The following BCL2L13 variants were observed in gnomAD, a reference collection of about 807,000 sequenced individuals.
The protein encoded by BCL2L13 is bcl-2-like protein 13.
A neutral mutation model predicts 25.8 loss-of-function variants in BCL2L13; 13 were observed. The observed-to-expected ratio is 0.50, with a 90% confidence interval of 0.33 to 0.80. The LOEUF is 0.80. Ranked by LOEUF, BCL2L13 falls within the 30% of genes least tolerant of loss-of-function variation. The pLI, the probability that BCL2L13 is intolerant of heterozygous loss-of-function variation, is 0.02. For synonymous variants in BCL2L13, 244 were observed against 230.3 expected (o/e 1.06, Z -0.54); for missense variants, 504 against 574.9 (o/e 0.88, Z 1.26).
chr22:17,657,823 C>CTTTTTT (rs71201859), intron 2 of BCL2L13, among the ~76,000 whole-genome samples: 28,809 of 84,734 alleles, frequency 0.34, 6,178 homozygotes, highest in East Asian at 0.62. Context: ...GTTGACATTT[C>CTTTTTT]TTTTTTTTTT....
At chr22:17,685,252 G>A (rs367560677) in intron 3 of BCL2L13, among the ~76,000 whole-genome samples, 50 of 151,820 alleles carry the variant, frequency 3.3e-4, no homozygotes, top group Middle Eastern at 3.4e-3. Flanking sequence ...TTAAGACATC[G>A]CCTTGCTCTG....
chr22:17,640,097 C>T (rs1225386816), intron 1 of BCL2L13, among the ~76,000 whole-genome samples: 7 of 152,108 alleles, frequency 4.6e-5, no homozygotes, highest in Admixed American at 3.3e-4. Flanking sequence ...CTGGTCATCC[C>T]CCCGCCTCAG....
In BCL2L13 at chr22:17,655,741, A is replaced by C; in HGVS notation, c.30A>C (p.Gly10=). The part of the protein sequence containing the change: MASSSTVPL[G]FHYETKYVVL... The stretch of plus-strand genomic sequence containing the variant: ...CGTCCTCTTCTACTGTGCCTCTGGG[A>C]TTTCACTATGAAACAAAGTATGTTG... The change falls in exon 2 of 7, where the codon GGA becomes GGC. Residue 10 remains glycine (G), a synonymous_variant. Coordinates refer to ENST00000317582, the MANE Select transcript of BCL2L13 (RefSeq NM_015367.4). The C allele has an allele frequency of 1.2e-6, 2 of 1,613,478 alleles. No homozygotes were observed. Among genetic ancestry groups the C allele is most frequent in the Non-Finnish European group, 1.7e-6 (2 of 1,179,722 alleles).
intron 1 of BCL2L13, among the ~76,000 whole-genome samples, chr22:17,646,096 G>A (rs1319269531): frequency 6.6e-6 from 1 of 151,412 alleles, no homozygotes; most frequent in African/African-American, 2.5e-5. Context: ...GTATCCACAG[G>A]TATCCTGGAA....
chr22:17,636,331 G>GAA (rs75562807), upstream of BCL2L13, among the ~76,000 whole-genome samples: 12 of 103,104 alleles, frequency 1.2e-4, no homozygotes, highest in African/African-American at 3.0e-4. Flanking sequence ...TCAAAAAAAA[G>GAA]AAAAAAAAAA....
chr22:17,640,105 C>T (rs1306130909), intron 1 of BCL2L13, among the ~76,000 whole-genome samples: 1 of 152,200 alleles, frequency 6.6e-6, no homozygotes, highest in African/African-American at 2.4e-5. Flanking sequence ...CCCCCCGCCT[C>T]AGCCTCCCAA....
chr22:17,654,912 T>A (rs1364707546), intron 1 of BCL2L13, among the ~76,000 whole-genome samples: 2 of 152,024 alleles, frequency 1.3e-5, no homozygotes, highest in Non-Finnish European at 2.9e-5. Flanking sequence ...TTTGTAGAGA[T>A]GGAGTCTTGC....
rs527725196 is a variant in BCL2L13 at position 17,691,819 on chromosome 22, C to T, written c.386+2677C>T. Among the ~76,000 whole-genome samples the T allele has an allele frequency of 5.9e-5, 9 of 152,164 alleles. No individual in the cohort carries two copies. The South Asian group carries it at 1.9e-3, about 32-fold the overall frequency. On this transcript the variant is annotated intron_variant, in intron 4 of 6. Coordinates refer to ENST00000317582, the MANE Select transcript of BCL2L13 (RefSeq NM_015367.4). ...TTTTTAAAAGTATTGTTTCTGAAGTCCTTTTTATGATCTACAGGAAAAATT... is the reference window on the plus strand; with the variant it reads ...TTTTTAAAAGTATTGTTTCTGAAGTTCTTTTTATGATCTACAGGAAAAATT...
intron 5 of BCL2L13, 55 bp downstream of exon 5, chr22:17,696,265 C>A: frequency 7.2e-7 from 1 of 1,388,796 alleles, no homozygotes; most frequent in Non-Finnish European, 1.0e-6. Context: ...AATGATAAGA[C>A]GTAGGAGGAA....
At chr22:17,666,781 C>T (rs990948954) in intron 2 of BCL2L13, among the ~76,000 whole-genome samples, 6 of 151,504 alleles carry the variant, frequency 4.0e-5, no homozygotes, top group Admixed American at 6.6e-5. Flanking sequence ...TCCCGGGTCC[C>T]GGTTCAAACA....
chr22:17,726,538 T>A, intron 6 of BCL2L13, 139 bp from the exon 7 acceptor site: 1 of 993,796 alleles, frequency 1.0e-6, no homozygotes, highest in Non-Finnish European at 1.4e-6. Flanking sequence ...ATACATGCAT[T>A]CCATTCGGAA....
At chr22:17,688,740 C>T (rs1342867140) in intron 3 of BCL2L13, among the ~76,000 whole-genome samples, 2 of 148,128 alleles carry the variant, frequency 1.4e-5, no homozygotes, top group East Asian at 3.9e-4. Flanking sequence ...ATCCTGTGGC[C>T]TTTTATAGCG....
At chr22:17,724,525 C>G (rs935596143) in intron 6 of BCL2L13, among the ~76,000 whole-genome samples, 1 of 152,094 alleles carries the variant, frequency 6.6e-6, no homozygotes, top group East Asian at 1.9e-4. Context: ...GAGCAAGGGT[C>G]GAGGTAGAAA....
In BCL2L13 at chr22:17,680,163, C is replaced by T. The variant is rs778934522; in HGVS notation, c.122-3051C>T. 2.2e-4 allele frequency among the ~76,000 whole-genome samples: 30 copies of T among 136,420 alleles called. 1 individual carries two copies. The South Asian group carries it at 2.6e-3, about 12-fold the overall frequency. The allele number at this position is 136,420 out of a possible 152,430, so 89.5% of individuals were successfully genotyped here. A position where few individuals can be genotyped will look rare whatever the true frequency, so the allele number is the denominator to read the frequency against. Reference sequence around the variant, plus strand: ...CCGGGGGGCGGAGGTTGCAGTCAGCCGAGATTGTGCTATTGCACTCCAGCC... The same window carrying T: ...CCGGGGGGCGGAGGTTGCAGTCAGCTGAGATTGTGCTATTGCACTCCAGCC... On this transcript the variant is annotated intron_variant, in intron 2 of 6. Coordinates refer to ENST00000317582, the MANE Select transcript of BCL2L13 (RefSeq NM_015367.4).
intron 3 of BCL2L13, among the ~76,000 whole-genome samples, chr22:17,687,871 G>A (rs1367549102): frequency 1.5e-5 from 2 of 135,384 alleles, no homozygotes; most frequent in Non-Finnish European, 3.1e-5. Flanking sequence ...AGGCTAGAGT[G>A]CAATGGCACA....
At chr22:17,698,731 A>G (rs1383848601) in intron 5 of BCL2L13, among the ~76,000 whole-genome samples, 1 of 152,030 alleles carries the variant, frequency 6.6e-6, no homozygotes, top group Non-Finnish European at 1.5e-5. Context: ...TGTCTCAGAA[A>G]AAAAAGAAAA....
At chr22:17,718,899 C>T (rs986021477) in intron 6 of BCL2L13, among the ~76,000 whole-genome samples, 1 of 152,046 alleles carries the variant, frequency 6.6e-6, no homozygotes, top group African/African-American at 2.4e-5. Flanking sequence ...TGGCTCATGC[C>T]TGTAATCCCA....
chr22:17,636,107 TG>T (rs200713143), upstream of BCL2L13, among the ~76,000 whole-genome samples: 4,716 of 149,392 alleles, frequency 0.032, 232 homozygotes, highest in African/African-American at 0.11. Context: ...GTGGATCACT[TG>T]GGGTCAGGAG....
chr22:17,726,550 C>A, intron 6 of BCL2L13, 127 bp from the exon 7 acceptor site: 1 of 1,100,558 alleles, frequency 9.1e-7, no homozygotes, highest in Non-Finnish European at 1.3e-6. Context: ...CATTCGGAAA[C>A]TATGTAGGTT....
Sources: gnomAD v4.1 joint callset for allele counts (sites outside exome capture counted in the v4.1 genomes callset) on GRCh38, gnomAD v4.1.1 for gene constraint, MANE v1.5 for transcripts, NCBI Gene and HGNC (gene_info 2026-07-23, HGNC 2026-07-21) for gene names.